TTPA: variants seen among roughly 807,000 people sequenced by gnomAD.
TTPA encodes the protein alpha-tocopherol transfer protein.
A neutral mutation model predicts 25.9 loss-of-function variants in TTPA; 23 were observed. The observed-to-expected ratio is 0.89, with a 90% CI of 0.64 to 1.26. The LOEUF (loss-of-function observed/expected upper bound fraction) is 1.26. Ranked by LOEUF, TTPA falls within the 50% of genes most tolerant of loss-of-function variation. The pLI is 0.00. For missense variants in TTPA, 337 were observed against 353.1 expected, an observed-to-expected ratio of 0.95 and a Z score of 0.37; for synonymous variants, 148 against 137.3, an observed-to-expected ratio of 1.08 and a Z score of -0.54.
chr8:63,059,437 A>G (rs1043690788), downstream of TTPA, among the ~76,000 whole-genome samples: 2 of 152,178 alleles, frequency 1.3e-5, no homozygotes, highest in Non-Finnish European at 2.9e-5. Context: ...TTTCAATTTT[A>G]TCATAGATAT....
intron 1 of TTPA, among the ~76,000 whole-genome samples, chr8:63,082,110 A>C (rs112931359): frequency 6.6e-6 from 1 of 152,326 alleles, no homozygotes; most frequent in South Asian, 2.1e-4. Flanking sequence ...CAAGCTACCA[A>C]TGACTTTCTT....
chr8:63,084,502 C>T lies in TTPA; in HGVS notation c.204+1316G>A, dbSNP rs183512751. Among the ~76,000 whole-genome samples the T allele has an allele frequency of 2.3e-4, 35 of 152,254 alleles. No homozygotes were observed. In the East Asian group the frequency reaches 6.6e-3, roughly 29 times the overall value. ...ACATTTTAATATAGTCTAATATATC[C>T]ATCCAGTAGAATAACAGCAGCCCAA... On this transcript the variant is annotated intron_variant, in intron 1 of 4. Coordinates refer to ENST00000260116, the MANE Select transcript of TTPA (RefSeq NM_000370.3).
chr8:63,069,737 A>G (rs1054651772), intron 2 of TTPA, among the ~76,000 whole-genome samples: 2 of 35,184 alleles, frequency 5.7e-5, no homozygotes, highest in East Asian at 3.9e-3. Context: ...CCTAGCTTAG[A>G]AAAAAAAAAA....
Position 63,085,912 on chromosome 8 carries a change from TC to T in TTPA, c.109del (p.Glu37LysfsTer34). 6.6e-7 allele frequency: 1 copy of T among 1,525,358 alleles called. No homozygotes were observed. The highest frequency in any genetic ancestry group is 8.8e-7 in the Non-Finnish European group (1 of 1,142,088). 94.5% of individuals were successfully genotyped at this position (1,525,358 alleles called of 1,614,324 possible). ...GLAALRRRAR[E>X]AGVPLAPLPL... Reference sequence around the variant, plus strand: ...CAGCGGCGCGAGCGGGACGCCAGCTTCCCGGGCCCGGCGCCGCAGCGCCGCC... The same window carrying T: ...CAGCGGCGCGAGCGGGACGCCAGCTTCCGGGCCCGGCGCCGCAGCGCCGCC... On this transcript the variant is annotated frameshift_variant, in exon 1 of 5. Coordinates refer to ENST00000260116, the MANE Select transcript of TTPA (RefSeq NM_000370.3). LOFTEE classifies it high-confidence loss of function.
Position 63,073,032 on chromosome 8 carries a change from T to A in TTPA, c.261A>T (p.Leu87=), listed in dbSNP as rs1324220704. The A allele has an allele frequency of 1.2e-6, 2 of 1,613,626 alleles. No homozygotes were observed. Among genetic ancestry groups the A allele is most frequent in the Admixed American group, 3.3e-5 (2 of 60,014 alleles). The change falls in exon 2 of 5, where the codon CTA becomes CTT. Residue 87 remains leucine (L), a synonymous_variant. Transcript: ENST00000260116. The part of the protein sequence containing the change: ...RAECPEISAD[L]HPRSIIGLLK... ...GGAGGCCAATAATACTTCTAGGGTG[T>A]AGATCTGCACTTATTTCTGGACATT...
At chr8:63,074,009 T>C (rs1026409981) in intron 1 of TTPA, among the ~76,000 whole-genome samples, 4 of 152,174 alleles carry the variant, frequency 2.6e-5, no homozygotes, top group Non-Finnish European at 4.4e-5. Flanking sequence ...ATTATATTTA[T>C]ATTTTAATTT....
At chr8:63,076,371 G>A (rs184340675) in intron 1 of TTPA, among the ~76,000 whole-genome samples, 1 of 149,150 alleles carries the variant, frequency 6.7e-6, no homozygotes, top group Non-Finnish European at 1.5e-5. Context: ...AAACTATAGG[G>A]CTTCTATATT....
intron 1 of TTPA, among the ~76,000 whole-genome samples, chr8:63,079,984 C>T (rs181786477): frequency 0.017 from 2,592 of 152,202 alleles, 80 homozygotes; most frequent in African/African-American, 0.059. Context: ...CAGACCACAG[C>T]GCAATCAAAT....
At chr8:63,077,300 G>A (rs1359747473) in intron 1 of TTPA, among the ~76,000 whole-genome samples, 1 of 152,204 alleles carries the variant, frequency 6.6e-6, no homozygotes, top group Admixed American at 6.5e-5. Flanking sequence ...TCATCTCACT[G>A]GGACTGGTTG....
At chr8:63,075,330 T>C (rs1805545670) in intron 1 of TTPA, among the ~76,000 whole-genome samples, 1 of 152,202 alleles carries the variant, frequency 6.6e-6, no homozygotes, top group African/African-American at 2.4e-5. Flanking sequence ...ACCACCATAT[T>C]TGGAGCACTT....
chr8:63,065,946 T>C lies in TTPA; in HGVS notation c.510A>G (p.Gln170=), dbSNP rs773161117. Residue 170 remains glutamine, a synonymous_variant, in exon 3 of 5, where the codon CAA becomes CAG. Coordinates refer to ENST00000260116, the MANE Select transcript of TTPA (RefSeq NM_000370.3). The part of the protein sequence containing the change: ...LEGWQFSHAF[Q]ITPSVAKKIA... ...TCTTCTTGGCTACGGATGGAGTGATTTGAAAAGCATGAGAAAACTGCCAAC... is the reference window on the plus strand; with the variant it reads ...TCTTCTTGGCTACGGATGGAGTGATCTGAAAAGCATGAGAAAACTGCCAAC... 1 of 1,614,090 alleles carries C rather than the reference T, an allele frequency of 6.2e-7. No individual in the cohort carries two copies. Among genetic ancestry groups the C allele is most frequent in the Non-Finnish European group, 8.5e-7 (1 of 1,179,990 alleles).
At chr8:63,075,698 C>CA (rs751066913) in intron 1 of TTPA, among the ~76,000 whole-genome samples, 953 of 55,822 alleles carry the variant, frequency 0.017, 15 homozygotes, top group African/African-American at 0.03. Context: ...GACTCCGTCT[C>CA]AAAAAAAAAA....
Position 63,073,076 on chromosome 8 carries a change from A to G in TTPA, c.217T>C (p.Tyr73His). 6.2e-7 allele frequency: 1 copy of G among 1,610,602 alleles called. No individual in the cohort carries two copies. Among genetic ancestry groups the G allele is most frequent in the Non-Finnish European group, 8.5e-7 (1 of 1,177,490 alleles). Residue 73 changes from tyrosine to histidine, a missense_variant, in exon 2 of 5, where the codon TAT (tyrosine) becomes CAT (histidine). By Grantham distance (83) the Tyr-to-His change is moderately conservative (BLOSUM62 2). Transcript: ENST00000260116. ...LDLAWRLLKN[Y>H]YKWRAECPEI... ...GGACATTCTGCTCTCCACTTATAAT[A>G]GTTTTTTAGTAACTGAAAAATAAAA...
intron 1 of TTPA, among the ~76,000 whole-genome samples, chr8:63,082,914 A>G (rs905808087): frequency 6.6e-6 from 1 of 152,258 alleles, no homozygotes; most frequent in Non-Finnish European, 1.5e-5. Flanking sequence ...CATCAGAGAA[A>G]TGCAAATCAA....
downstream of TTPA, among the ~76,000 whole-genome samples, chr8:63,058,506 T>A (rs888781583): frequency 6.6e-6 from 1 of 152,244 alleles, no homozygotes; most frequent in Admixed American, 6.5e-5. Flanking sequence ...AGTTAACCTT[T>A]TAAAAGGCAC....
At chr8:63,061,562 G>T in intron 4 of TTPA, 137 bp from the exon 5 acceptor site, 2 of 726,326 alleles carry the variant, frequency 2.8e-6, no homozygotes, top group Non-Finnish European at 4.6e-6. Context: ...TATTCCTCTG[G>T]TTATGAATCT....
chr8:63,076,232 C>A (rs1356436848), intron 1 of TTPA, among the ~76,000 whole-genome samples: 1 of 152,128 alleles, frequency 6.6e-6, no homozygotes, highest in Non-Finnish European at 1.5e-5. Flanking sequence ...ATGTTGCATT[C>A]TATAAGCACA....
intron 1 of TTPA, among the ~76,000 whole-genome samples, chr8:63,081,962 C>T (rs1041157562): frequency 1.3e-5 from 2 of 152,146 alleles, no homozygotes; most frequent in African/African-American, 4.8e-5. Flanking sequence ...TCAAGGAGAA[C>T]TACAAACCAC....
chr8:63,069,022 A>G (rs7823031), intron 2 of TTPA, among the ~76,000 whole-genome samples: 93,914 of 151,824 alleles, frequency 0.62, 30,859 homozygotes, highest in African/African-American at 0.84. Flanking sequence ...GGGCATAGTG[A>G]CACACACCTG....
Sources: gnomAD v4.1 joint callset for allele counts (sites outside exome capture counted in the v4.1 genomes callset) on GRCh38, gnomAD v4.1.1 for gene constraint, MANE v1.5 for transcripts, NCBI Gene and HGNC (gene_info 2026-07-23, HGNC 2026-07-21) for gene names.